TRHR: variants seen among roughly 807,000 people sequenced by gnomAD.
TRHR encodes thyrotropin releasing hormone receptor, also known as thyrotropin-releasing hormone receptor.
A neutral mutation model predicts 28.0 loss-of-function variants in TRHR; 14 were observed. The observed-to-expected ratio is 0.50, with a 90% CI of 0.33 to 0.78. The LOEUF (loss-of-function observed/expected upper bound fraction) is 0.78. Ranked by LOEUF, TRHR falls within the 30% of genes least tolerant of loss-of-function variation. The pLI, the probability that TRHR is intolerant of heterozygous loss-of-function variation, is 0.02. For missense variants in TRHR, 438 were observed against 469.5 expected, an observed-to-expected ratio of 0.93 and a Z score of 0.62; for synonymous variants, 176 against 171.9, an observed-to-expected ratio of 1.02 and a Z score of -0.18.
chr8:109,109,221 T>G (rs990877297), intron 2 of TRHR, among the ~76,000 whole-genome samples: 1 of 152,086 alleles, frequency 6.6e-6, no homozygotes, highest in Non-Finnish European at 1.5e-5. Flanking sequence ...TAAGCCCAAG[T>G]TTTGTTTTTA....
chr8:109,114,087 T>G lies in TRHR; in HGVS notation c.790-4961T>G, dbSNP rs988973072. On this transcript the variant is annotated intron_variant, in intron 2 of 2. Transcript: ENST00000518632. The stretch of plus-strand genomic sequence containing the variant: ...GAGAAGGACTGAATCCAAACTTTTG[T>G]GAGAGGTTTATGCCACTTATTCTAC... Among the ~76,000 whole-genome samples, 5 of 152,058 alleles carry G rather than the reference T, an allele frequency of 3.3e-5. No homozygotes were observed. In the South Asian group the frequency reaches 1.0e-3, roughly 31 times the overall value.
At chr8:109,118,962 A>C (rs1586197939) in intron 2 of TRHR, 86 bp from the exon 3 acceptor site, 1 of 1,549,292 alleles carries the variant, frequency 6.5e-7, no homozygotes, top group East Asian at 2.3e-5. Flanking sequence ...ACATTTTGGG[A>C]ACTAAAGGTT....
intron 2 of TRHR, among the ~76,000 whole-genome samples, chr8:109,108,172 C>G (rs569212114): frequency 3.7e-4 from 56 of 152,220 alleles, no homozygotes; most frequent in African/African-American, 1.3e-3. Context: ...GGACTTTGTC[C>G]AAGATTTTTA....
chr8:109,105,791 G>T (rs1811741108), intron 2 of TRHR, among the ~76,000 whole-genome samples: 1 of 152,118 alleles, frequency 6.6e-6, no homozygotes, highest in African/African-American at 2.4e-5. Flanking sequence ...AGCCATGCCT[G>T]TTCCCTTATT....
intron 2 of TRHR, among the ~76,000 whole-genome samples, chr8:109,093,700 G>A (rs1035345107): frequency 2.0e-4 from 30 of 151,630 alleles, no homozygotes; most frequent in African/African-American, 2.4e-4. Flanking sequence ...CACCATGCCC[G>A]GCCTATTTAC....
chr8:109,106,949 G>C (rs947099544), intron 2 of TRHR, among the ~76,000 whole-genome samples: 1 of 152,118 alleles, frequency 6.6e-6, no homozygotes, highest in Non-Finnish European at 1.5e-5. Context: ...GCCAATGAAG[G>C]AACAGGATCC....
chr8:109,113,504 C>T (rs765754941), intron 2 of TRHR, among the ~76,000 whole-genome samples: 12 of 152,222 alleles, frequency 7.9e-5, no homozygotes, highest in Admixed American at 2.6e-4. Context: ...GGAGCTGTGA[C>T]ACCTAAGATA....
chr8:109,092,367 T>C (rs913167122), intron 2 of TRHR, among the ~76,000 whole-genome samples: 8 of 151,564 alleles, frequency 5.3e-5, no homozygotes, highest in Admixed American at 2.6e-4. Flanking sequence ...AGAAGGAATA[T>C]TGGTAGCCCA....
intron 2 of TRHR, among the ~76,000 whole-genome samples, chr8:109,103,908 T>C (rs1811714162): frequency 6.6e-6 from 1 of 152,160 alleles, no homozygotes; most frequent in Non-Finnish European, 1.5e-5. Flanking sequence ...GCAATCTTGA[T>C]TTTTTAAAAA....
At chr8:109,090,386 G>A (rs1000218019) in intron 2 of TRHR, among the ~76,000 whole-genome samples, 14 of 152,176 alleles carry the variant, frequency 9.2e-5, no homozygotes, top group East Asian at 1.9e-4. Context: ...TGTATATGAC[G>A]TGGTAACTTC....
rs149677418 is a variant in TRHR, at chr8:109,116,422, C to T, written c.790-2626C>T. 6.3e-3 allele frequency among the ~76,000 whole-genome samples: 960 copies of T among 152,132 alleles called. 6 individuals carry two copies. The highest frequency in any genetic ancestry group is 0.011 in the Admixed American group (174 of 15,262). ...CTTTGGTAGAGTTCGGCTGTGAATC[C>T]TTCTGCTCCTGGACTTTTTTTGGTT... On this transcript the variant is annotated intron_variant, in intron 2 of 2. Coordinates refer to ENST00000518632, the MANE Select transcript of TRHR (RefSeq NM_003301.7).
At chr8:109,090,335 C>T (rs1225372952) in intron 2 of TRHR, among the ~76,000 whole-genome samples, 2 of 152,192 alleles carry the variant, frequency 1.3e-5, no homozygotes, top group Non-Finnish European at 2.9e-5. Flanking sequence ...CTTAAAAATA[C>T]ACATTCACTG....
At chr8:109,102,516 T>A (rs1301612515) in intron 2 of TRHR, among the ~76,000 whole-genome samples, 1 of 151,828 alleles carries the variant, frequency 6.6e-6, no homozygotes, top group African/African-American at 2.4e-5. Context: ...GATAAATGAG[T>A]GAATTAAAGA....
chr8:109,094,012 G>GT (rs538540853), intron 2 of TRHR, among the ~76,000 whole-genome samples: 147 of 152,248 alleles, frequency 9.7e-4, no homozygotes, highest in Non-Finnish European at 1.5e-3. Flanking sequence ...ATGTCAGGCA[G>GT]TAGGCCTGGC....
intron 1 of TRHR, 116 bp downstream of exon 1, chr8:109,086,999 G>A (rs1475059535): frequency 1.2e-4 from 19 of 164,624 alleles, no homozygotes; most frequent in Non-Finnish European, 8.0e-5. Context: ...AGCAAAAGAG[G>A]CAACAGCTAA....
At chr8:109,116,287 G>C (rs1256896239) in intron 2 of TRHR, among the ~76,000 whole-genome samples, 1 of 152,056 alleles carries the variant, frequency 6.6e-6, no homozygotes, top group Non-Finnish European at 1.5e-5. Context: ...TCTCTGCCAG[G>C]CTTTGGTATC....
chr8:109,110,905 C>T (rs1811822645), intron 2 of TRHR, among the ~76,000 whole-genome samples: 1 of 152,118 alleles, frequency 6.6e-6, no homozygotes, highest in Admixed American at 6.5e-5. Flanking sequence ...CCTGTAATCC[C>T]AGCACTTTGG....
chr8:109,110,138 A>G (rs964318311), intron 2 of TRHR, among the ~76,000 whole-genome samples: 11 of 151,930 alleles, frequency 7.2e-5, no homozygotes, highest in Non-Finnish European at 1.6e-4. Context: ...AAAGAACCCC[A>G]CCTATCTTTC....
chr8:109,088,829 T>C (rs1047058119), intron 2 of TRHR, among the ~76,000 whole-genome samples: 2 of 152,134 alleles, frequency 1.3e-5, no homozygotes, highest in Admixed American at 6.5e-5. Context: ...GTAGTCTTAG[T>C]GGGGAAAGAT....
Sources: gnomAD v4.1 joint callset for allele counts (sites outside exome capture counted in the v4.1 genomes callset) on GRCh38, gnomAD v4.1.1 for gene constraint, MANE v1.5 for transcripts, NCBI Gene and HGNC (gene_info 2026-07-23, HGNC 2026-07-21) for gene names.